Variants in ASIC2 observed in about 807,000 individuals in gnomAD.
ASIC2 encodes the protein acid sensing ion channel subunit 2, also known as acid-sensing ion channel 2.
A neutral mutation model predicts 57.3 loss-of-function variants in ASIC2; 25 were observed. That is an observed-to-expected ratio of 0.44 (90% CI 0.32 to 0.61). The LOEUF is 0.61. Among genes scored for constraint, ASIC2 ranks in the 20% least tolerant of loss-of-function variants. The probability of loss-of-function intolerance (pLI) is 0.06; values close to 1 mark genes in which losing one functional copy is unlikely to be tolerated. For synonymous variants in ASIC2, 319 were observed against 307.5 expected (o/e 1.04, Z -0.39); for missense variants, 641 against 738.1 (o/e 0.87, Z 1.52).
intron 1 of ASIC2, among the ~76,000 whole-genome samples, chr17:33,753,330 C>T (rs186464394): frequency 5.9e-5 from 9 of 152,012 alleles, no homozygotes; most frequent in African/African-American, 1.9e-4. Flanking sequence ...AGGGGTGAAG[C>T]TTGGGGGTGG....
chr17:33,539,787 A>T (rs938185529), intron 1 of ASIC2, among the ~76,000 whole-genome samples: 4 of 152,176 alleles, frequency 2.6e-5, no homozygotes, highest in Non-Finnish European at 5.9e-5. Flanking sequence ...CAGATGGGAG[A>T]CAGGCACATA....
chr17:33,111,896 C>T lies in ASIC2; in HGVS notation c.859+21G>A, dbSNP rs375913197. ...CAACCCTCCACCATCACCCAATGCCCGGTCCCTGTGCCCAGCTCACCTGTC... is the reference window on the plus strand; with the variant it reads ...CAACCCTCCACCATCACCCAATGCCTGGTCCCTGTGCCCAGCTCACCTGTC... On this transcript the variant is annotated intron_variant, in intron 2 of 9. Coordinates refer to ENST00000225823, the MANE Select transcript of ASIC2 (RefSeq NM_183377.2). 2.7e-5 allele frequency: 43 copies of T among 1,599,908 alleles called. 1 individual carries two copies. In the East Asian group the frequency reaches 3.1e-4, roughly 12 times the overall value.
intron 1 of ASIC2, among the ~76,000 whole-genome samples, chr17:33,851,635 G>A (rs1913766707): frequency 6.6e-6 from 1 of 152,214 alleles, no homozygotes; most frequent in Non-Finnish European, 1.5e-5. Flanking sequence ...CAGCACTCTT[G>A]ATACTTTGTT....
intron 1 of ASIC2, among the ~76,000 whole-genome samples, chr17:33,628,108 C>T (rs1906043873): frequency 6.6e-6 from 1 of 152,110 alleles, no homozygotes; most frequent in African/African-American, 2.4e-5. Context: ...CCTGATTGGA[C>T]CTCAAAGAAG....
chr17:33,250,040 T>C (rs1359413414), intron 1 of ASIC2, among the ~76,000 whole-genome samples: 1 of 152,152 alleles, frequency 6.6e-6, no homozygotes, highest in Admixed American at 6.5e-5. Flanking sequence ...CAGACACTTC[T>C]AGGGAGTAAT....
intron 1 of ASIC2, among the ~76,000 whole-genome samples, chr17:33,956,543 C>T (rs1904740654): frequency 6.6e-6 from 1 of 152,182 alleles, no homozygotes; most frequent in Non-Finnish European, 1.5e-5. Context: ...TGGGGAAAAG[C>T]CAACTCAGGA....
chr17:33,243,497 AG>A (rs1247883702), intron 1 of ASIC2, among the ~76,000 whole-genome samples: 1 of 152,146 alleles, frequency 6.6e-6, no homozygotes, highest in African/African-American at 2.4e-5. Flanking sequence ...GCCGGTTCCC[AG>A]GGGAACTTGG....
chr17:33,335,244 C>G (rs1907468517), intron 1 of ASIC2, among the ~76,000 whole-genome samples: 1 of 152,190 alleles, frequency 6.6e-6, no homozygotes, highest in African/African-American at 2.4e-5. Flanking sequence ...CTGAAAGCTA[C>G]AAACAAACCC....
intron 1 of ASIC2, among the ~76,000 whole-genome samples, chr17:33,164,072 C>A (rs1043457113): frequency 1.3e-5 from 2 of 152,222 alleles, no homozygotes; most frequent in Non-Finnish European, 2.9e-5. Context: ...CCAAAGCACA[C>A]ATGTCCTGCC....
intron 3 of ASIC2, among the ~76,000 whole-genome samples, chr17:33,050,992 G>T (rs149623596): frequency 4.5e-4 from 68 of 152,222 alleles, no homozygotes; most frequent in African/African-American, 1.5e-3. Context: ...GCTAGTCATG[G>T]AGTCAGAATT....
At chr17:33,438,960 C>T (rs561660988) in intron 1 of ASIC2, among the ~76,000 whole-genome samples, 1 of 151,624 alleles carries the variant, frequency 6.6e-6, no homozygotes, top group Non-Finnish European at 1.5e-5. Context: ...CCTCCCACAT[C>T]AGCCTCCCAA....
intron 1 of ASIC2, among the ~76,000 whole-genome samples, chr17:33,953,531 T>G (rs1343230582): frequency 6.6e-6 from 1 of 152,000 alleles, no homozygotes; most frequent in African/African-American, 2.4e-5. Flanking sequence ...TGGTCTATTG[T>G]ATCTACTTGG....
chr17:33,710,133 C>A (rs1011150191), intron 1 of ASIC2, among the ~76,000 whole-genome samples: 4 of 152,312 alleles, frequency 2.6e-5, no homozygotes, highest in Non-Finnish European at 5.9e-5. Flanking sequence ...ATGTCTGCAC[C>A]AATGTCCATC....
At chr17:33,020,804 C>T (rs552514289) in intron 7 of ASIC2, among the ~76,000 whole-genome samples, 1 of 152,268 alleles carries the variant, frequency 6.6e-6, no homozygotes, top group African/African-American at 2.4e-5. Flanking sequence ...CAGGTCCCAC[C>T]TTTGACCACC....
chr17:33,853,974 T>TA (rs140682330), intron 1 of ASIC2, among the ~76,000 whole-genome samples: 4,951 of 152,278 alleles, frequency 0.033, 266 homozygotes, highest in African/African-American at 0.11. Context: ...AGTTTATCTC[T>TA]AAAAAAGTTG....
intron 1 of ASIC2, among the ~76,000 whole-genome samples, chr17:33,807,637 T>C (rs1480080865): frequency 6.6e-6 from 1 of 152,106 alleles, no homozygotes; most frequent in African/African-American, 2.4e-5. Context: ...TCTAACTAGG[T>C]TCCCCACTTC....
intron 1 of ASIC2, among the ~76,000 whole-genome samples, chr17:33,823,530 C>G (rs1912813970): frequency 6.6e-6 from 1 of 152,190 alleles, no homozygotes; most frequent in East Asian, 1.9e-4. Context: ...CCAGCCGTGT[C>G]TGTGAGTAGC....
At position 33,015,929 on chromosome 17, in the gene ASIC2, C is replaced by T. The variant is rs551885482; in HGVS notation, c.1590+42G>A. On this transcript the variant is annotated intron_variant, in intron 9 of 9. Coordinates refer to ENST00000225823, the MANE Select transcript of ASIC2 (RefSeq NM_183377.2). The stretch of plus-strand genomic sequence containing the variant: ...TCTGGTTTTGTACTGCCGGTACAAG[C>T]CAGAGCAGCAGAACAACTTCCAATC... The T allele has an allele frequency of 3.7e-6, 6 of 1,608,144 alleles. No individual in the cohort carries two copies. In the South Asian group the frequency reaches 5.5e-5, roughly 15 times the overall value.
At chr17:33,719,012 A>C (rs968690729) in intron 1 of ASIC2, among the ~76,000 whole-genome samples, 3 of 152,220 alleles carry the variant, frequency 2.0e-5, no homozygotes, top group African/African-American at 7.2e-5. Context: ...CACCCAGGAC[A>C]GAGCCCTTGT....
Sources: gnomAD v4.1 joint callset for allele counts (sites outside exome capture counted in the v4.1 genomes callset) on GRCh38, gnomAD v4.1.1 for gene constraint, MANE v1.5 for transcripts, NCBI Gene and HGNC (gene_info 2026-07-23, HGNC 2026-07-21) for gene names.